The following HK2 variants were observed in gnomAD, a reference collection of about 807,000 sequenced individuals.
HK2 encodes hexokinase 2.
A neutral mutation model predicts 92.9 loss-of-function variants in HK2; 42 were observed. The ratio of observed to expected loss-of-function variants is 0.45; its 90% CI spans 0.35 to 0.58. The LOEUF (loss-of-function observed/expected upper bound fraction) is 0.58. Among genes scored for constraint, HK2 ranks in the 20% least tolerant of loss-of-function variants. The probability of loss-of-function intolerance (pLI) is 0.00; values close to 1 mark genes in which losing one functional copy is unlikely to be tolerated. For synonymous variants in HK2, 422 were observed against 468.0 expected (o/e 0.90, Z 1.27); for missense variants, 978 against 1,245.1 (o/e 0.79, Z 3.23).
rs72910562 is a variant in HK2 at position 74,889,658 on chromosome 2, C to G, written c.2609+180C>G. Among the ~76,000 whole-genome samples, 181 of 152,260 alleles carry G rather than the reference C, an allele frequency of 1.2e-3. 1 individual carries two copies. The highest frequency in any genetic ancestry group is 4.0e-3 in the African/African-American group (166 of 41,530). On this transcript the variant is annotated intron_variant, in intron 17 of 17. Transcript: ENST00000290573. ...AGAAGTAGGCCTGTGTTTCACCCCC[C>G]ACCGTGGGAAGCCCCCTCCGAGCCC...
Position 74,885,598 on chromosome 2 carries a change from C to T in HK2, c.1935+9C>T. ...CGATCCACCGGCGAGAGGTAGGAGA[C>T]ACATGGCACGAGGTCTGATGTGTCA... On this transcript the variant is annotated intron_variant, in intron 13 of 17. Coordinates refer to ENST00000290573, the MANE Select transcript of HK2 (RefSeq NM_000189.5). 1 of 1,586,976 alleles carries T rather than the reference C, an allele frequency of 6.3e-7. No individual in the cohort carries two copies. Among genetic ancestry groups the T allele is most frequent in the South Asian group, 1.1e-5 (1 of 90,602 alleles).
chr2:74,848,868 G>A (rs1688503288), intron 1 of HK2, among the ~76,000 whole-genome samples: 1 of 152,208 alleles, frequency 6.6e-6, no homozygotes, highest in Non-Finnish European at 1.5e-5. Flanking sequence ...TGGGCCAGAA[G>A]GGTTGACATT....
chr2:74,850,038 G>A (rs1267766078), intron 1 of HK2, among the ~76,000 whole-genome samples: 2 of 152,156 alleles, frequency 1.3e-5, no homozygotes, highest in African/African-American at 2.4e-5. Flanking sequence ...TACTTCACAG[G>A]GTCACACCTG....
intron 1 of HK2, among the ~76,000 whole-genome samples, chr2:74,842,353 A>G (rs1365716794): frequency 6.6e-6 from 1 of 152,234 alleles, no homozygotes; most frequent in Non-Finnish European, 1.5e-5. Flanking sequence ...AATAAATTAC[A>G]TGAGATATTC....
At chr2:74,837,687 T>C (rs1688200624) in intron 1 of HK2, among the ~76,000 whole-genome samples, 1 of 149,078 alleles carries the variant, frequency 6.7e-6, no homozygotes, top group East Asian at 1.9e-4. Context: ...TTTTTTTTTT[T>C]TTTTTTTGAG....
chr2:74,849,662 A>C (rs3771788), intron 1 of HK2, among the ~76,000 whole-genome samples: 95,039 of 152,008 alleles, frequency 0.63, 30,190 homozygotes, highest in African/African-American at 0.73. Context: ...CCTGAAGGTG[A>C]CCCTGGGTGG....
In HK2 at chr2:74,875,326, C is replaced by CT. The variant is rs1689200062; in HGVS notation, c.875+877_875+878insT. Among the ~76,000 whole-genome samples the CT allele has an allele frequency of 7.5e-4, 75 of 100,610 alleles. 1 individual carries two copies. Among genetic ancestry groups the CT allele is most frequent in the African/African-American group, 2.9e-3 (73 of 25,536 alleles). The allele number at this position is 100,610 out of a possible 152,430, so 66.0% of individuals were successfully genotyped here. On this transcript the variant is annotated intron_variant, in intron 7 of 17. Coordinates refer to ENST00000290573, the MANE Select transcript of HK2 (RefSeq NM_000189.5). Reference sequence around the variant, plus strand: ...GGTAACCCAGGAGAGTCCTTGCTTTCGTTTTTTTTTTTTTTTTTTTGAGAC... The same window carrying CT: ...GGTAACCCAGGAGAGTCCTTGCTTTCTGTTTTTTTTTTTTTTTTTTTGAGAC...
intron 2 of HK2, among the ~76,000 whole-genome samples, chr2:74,864,889 A>T (rs1688910704): frequency 6.6e-6 from 1 of 152,238 alleles, no homozygotes; most frequent in Non-Finnish European, 1.5e-5. Context: ...AGCATTATGA[A>T]TCCTGTTCTA....
At chr2:74,879,916 C>T (rs1307721734) in intron 9 of HK2, among the ~76,000 whole-genome samples, 1 of 152,218 alleles carries the variant, frequency 6.6e-6, no homozygotes, top group Non-Finnish European at 1.5e-5. Context: ...CACAGGGCTG[C>T]TCCAGCAAAG....
chr2:74,835,680 G>C (rs1183113310), intron 1 of HK2, among the ~76,000 whole-genome samples: 1 of 152,220 alleles, frequency 6.6e-6, no homozygotes, highest in Non-Finnish European at 1.5e-5. Context: ...AAATGCCCGG[G>C]ATTAGGGGAT....
At chr2:74,870,060 G>A (rs1689060259) in intron 3 of HK2, among the ~76,000 whole-genome samples, 1 of 146,360 alleles carries the variant, frequency 6.8e-6, no homozygotes, top group African/African-American at 2.6e-5. Context: ...ACACCCAAGA[G>A]TGCGGTGGCA....
chr2:74,892,922 G>A lies in HK2; in HGVS notation c.*1981G>A, dbSNP rs1480892895. On this transcript the variant is annotated 3_prime_UTR_variant, in exon 18 of 18. Transcript: ENST00000290573. ...CGTGGGTATTTCCTGCTACACAAAA[G>A]CCAAAAGGTTTCATGTAGATTTTAG... 6.6e-6 allele frequency: 1 copy of A among 152,012 alleles called. No homozygotes were observed. Among genetic ancestry groups the A allele is most frequent in the Non-Finnish European group, 1.5e-5 (1 of 68,022 alleles). The allele number at this position is 152,012 out of a possible 1,614,324, so 9.4% of individuals were successfully genotyped here. A position where few individuals can be genotyped will look rare whatever the true frequency, so the allele number is the denominator to read the frequency against.
At position 74,834,447 on chromosome 2, in the gene HK2, T is replaced by A; in HGVS notation, c.-134T>A. The A allele has an allele frequency of 1.2e-6, 1 of 859,016 alleles. No homozygotes were observed. The highest frequency in any genetic ancestry group is 1.9e-6 in the Non-Finnish European group (1 of 520,052). The allele number at this position is 859,016 out of a possible 1,614,324, so 53.2% of individuals were successfully genotyped here. A position where few individuals can be genotyped will look rare whatever the true frequency, so the allele number is the denominator to read the frequency against. ...GCGCACCCTCGCCGGTAGCCTTCTTTGTGCGCCGTCCGGACTCCCAGCTCC... is the reference window on the plus strand; with the variant it reads ...GCGCACCCTCGCCGGTAGCCTTCTTAGTGCGCCGTCCGGACTCCCAGCTCC... On this transcript the variant is annotated 5_prime_UTR_variant, in exon 1 of 18. Transcript: ENST00000290573. This position sits in a 1 kb window ranked among gnomAD's most constrained non-coding sequence, Gnocchi z 4.2.
chr2:74,844,012 C>T (rs1688377310), intron 1 of HK2, among the ~76,000 whole-genome samples: 1 of 152,230 alleles, frequency 6.6e-6, no homozygotes, highest in Non-Finnish European at 1.5e-5. Flanking sequence ...TAGGATAGTA[C>T]CTTGCCCCAG....
Position 74,834,555 on chromosome 2 carries a change from A to T in HK2, c.-26A>T. The T allele has an allele frequency of 6.2e-7, 1 of 1,613,076 alleles. No homozygotes were observed. The highest frequency in any genetic ancestry group is 8.5e-7 in the Non-Finnish European group (1 of 1,179,336). ...CTCGCGTCTCCGCCTCGGTTTCCCA[A>T]CTCTGCGCCGTCGGGCCGCGGCAGG... On this transcript the variant is annotated 5_prime_UTR_variant, in exon 1 of 18. Coordinates refer to ENST00000290573, the MANE Select transcript of HK2 (RefSeq NM_000189.5). This position sits in a 1 kb window ranked among gnomAD's most constrained non-coding sequence, Gnocchi z 4.2.
At chr2:74,846,013 C>T (rs546660496) in intron 1 of HK2, among the ~76,000 whole-genome samples, 7 of 152,316 alleles carry the variant, frequency 4.6e-5, no homozygotes, top group South Asian at 2.1e-4. Context: ...TTAGGGCACT[C>T]GGCTGGTCAC....
chr2:74,853,518 AAAC>A (rs146960066), intron 1 of HK2, among the ~76,000 whole-genome samples: 24,770 of 143,194 alleles, frequency 0.17, 2,633 homozygotes, highest in Admixed American at 0.33. Context: ...CTCAGCCTCA[AAAC>A]AACAACAACA....
chr2:74,877,053 A>C, intron 7 of HK2, 113 bp from the exon 8 acceptor site: 1 of 1,420,848 alleles, frequency 7.0e-7, no homozygotes, highest in South Asian at 1.2e-5. Flanking sequence ...GCCGTGCTGC[A>C]CACATTAACC....
intron 1 of HK2, among the ~76,000 whole-genome samples, chr2:74,853,788 C>T (rs1415873874): frequency 6.6e-6 from 1 of 151,818 alleles, no homozygotes; most frequent in Non-Finnish European, 1.5e-5. Flanking sequence ...CAATGGAAAG[C>T]CCTGAAAGCC....
Sources: gnomAD v4.1 joint callset for allele counts (sites outside exome capture counted in the v4.1 genomes callset) on GRCh38, gnomAD v4.1.1 for gene constraint, Gnocchi (gnomAD v3.1) non-coding constraint, MANE v1.5 for transcripts, NCBI Gene and HGNC (gene_info 2026-07-23, HGNC 2026-07-21) for gene names.